The following FERRY3 variants were observed in gnomAD, a reference collection of about 807,000 sequenced individuals.
FERRY3 encodes the protein protein C12orf4.
the FERRY3 span, chr12:4,530,182 G>A: frequency 4.2e-6 from 3 of 720,368 alleles, no homozygotes; most frequent in South Asian, 6.2e-5. Context: ...ATATGTGTGT[G>A]TAAATATATG....
chr12:4,519,947 A>G, the FERRY3 span, among the ~76,000 whole-genome samples: 4 of 152,244 alleles, frequency 2.6e-5, no homozygotes, highest in Non-Finnish European at 5.9e-5. This position sits in a 1 kb window ranked among gnomAD's most constrained non-coding sequence, Gnocchi z 4.3. Context: ...CTACAAAATC[A>G]TACTTTTCTG....
At chr12:4,504,189 T>G in the FERRY3 span, among the ~76,000 whole-genome samples, 1 of 152,210 alleles carries the variant, frequency 6.6e-6, no homozygotes, top group Non-Finnish European at 1.5e-5. Flanking sequence ...TTAGGTTAAA[T>G]GTAATGTGTT....
At chr12:4,526,385 ATAAGT>A in the FERRY3 span, among the ~76,000 whole-genome samples, 1 of 152,248 alleles carries the variant, frequency 6.6e-6, no homozygotes, top group African/African-American at 2.4e-5. Flanking sequence ...ATTTTAATAA[ATAAGT>A]TCACTTAAAA....
At chr12:4,513,593 A>T in the FERRY3 span, among the ~76,000 whole-genome samples, 1 of 152,018 alleles carries the variant, frequency 6.6e-6, no homozygotes, top group Non-Finnish European at 1.5e-5. Flanking sequence ...AACGCCACAT[A>T]TCTACAATTA....
At chr12:4,530,093 T>C in the FERRY3 span, 13 of 1,549,014 alleles carry the variant, frequency 8.4e-6, no homozygotes, top group Non-Finnish European at 8.7e-6. Flanking sequence ...TGATCTAGTA[T>C]TTTTATTTAA....
chr12:4,522,303 G>A, the FERRY3 span, among the ~76,000 whole-genome samples: 6 of 152,110 alleles, frequency 3.9e-5, no homozygotes, highest in Admixed American at 3.3e-4. Context: ...AAAATGAAAC[G>A]ACAAGCCACA....
At chr12:4,525,075 C>G in the FERRY3 span, 3 of 686,672 alleles carry the variant, frequency 4.4e-6, no homozygotes, top group Non-Finnish European at 6.9e-6. Context: ...ACCATTGCCC[C>G]CCAAATAATC....
At chr12:4,523,155 A>T in the FERRY3 span, among the ~76,000 whole-genome samples, 3 of 152,250 alleles carry the variant, frequency 2.0e-5, no homozygotes, top group Non-Finnish European at 4.4e-5. Flanking sequence ...TACCACTTTT[A>T]TCAATCACAT....
the FERRY3 span, among the ~76,000 whole-genome samples, chr12:4,514,879 A>G: frequency 6.6e-6 from 1 of 152,132 alleles, no homozygotes; most frequent in Non-Finnish European, 1.5e-5. Flanking sequence ...CCTAAAACTT[A>G]AAGTATAATA....
At chr12:4,529,789 A>G in the FERRY3 span, 1 of 1,232,020 alleles carries the variant, frequency 8.1e-7, no homozygotes, top group Non-Finnish European at 1.1e-6. Context: ...TTTTTGTAAA[A>G]AATAAAAACA....
the FERRY3 span, chr12:4,491,281 T>C: frequency 2.0e-6 from 3 of 1,530,524 alleles, no homozygotes; most frequent in Non-Finnish European, 2.7e-6. Flanking sequence ...TAGAACTTTG[T>C]ATAAAAAATA....
chr12:4,529,518 T>C, the FERRY3 span, among the ~76,000 whole-genome samples: 2,116 of 152,246 alleles, frequency 0.014, 55 homozygotes, highest in African/African-American at 0.048. Flanking sequence ...ATGGAAATAA[T>C]AGTAGGGTTA....
the FERRY3 span, chr12:4,505,309 G>A: frequency 5.7e-6 from 9 of 1,586,020 alleles, no homozygotes; most frequent in South Asian, 1.0e-4. Flanking sequence ...TACTTACCAG[G>A]TAAAACATTT....
chr12:4,529,860 T>G, the FERRY3 span: 1 of 1,565,514 alleles, frequency 6.4e-7, no homozygotes, highest in Non-Finnish European at 8.6e-7. Context: ...TGCAAGAAAT[T>G]TGAAATACCT....
the FERRY3 span, among the ~76,000 whole-genome samples, chr12:4,529,183 A>G: frequency 1.3e-5 from 2 of 152,174 alleles, no homozygotes; most frequent in East Asian, 3.8e-4. Flanking sequence ...TAATGCTAGA[A>G]GTTTTTTACA....
chr12:4,490,998 T>C, the FERRY3 span, among the ~76,000 whole-genome samples: 8 of 152,170 alleles, frequency 5.3e-5, no homozygotes, highest in African/African-American at 1.9e-4. Flanking sequence ...TGGAGACTTA[T>C]TTTGTGACTA....
At chr12:4,490,596 T>G in the FERRY3 span, 7 of 1,608,646 alleles carry the variant, frequency 4.4e-6, no homozygotes, top group Admixed American at 1.0e-4. Context: ...AAACCTAAAA[T>G]AGAAAAACAG....
chr12:4,509,538 C>T, the FERRY3 span, among the ~76,000 whole-genome samples: 17 of 149,158 alleles, frequency 1.1e-4, no homozygotes, highest in Admixed American at 5.9e-4. Flanking sequence ...TCCCAGCACG[C>T]GGCTGGAGAT....
chr12:4,493,379 T>A, the FERRY3 span, among the ~76,000 whole-genome samples: 1 of 152,198 alleles, frequency 6.6e-6, no homozygotes, highest in Non-Finnish European at 1.5e-5. Context: ...AAAACATAGG[T>A]TGAGTGAATT....
Sources: allele counts gnomAD v4.1 joint callset (sites outside exome capture counted in the v4.1 genomes callset), GRCh38; gene constraint gnomAD v4.1.1; non-coding constraint Gnocchi (gnomAD v3.1); transcripts MANE v1.5; gene names NCBI Gene and HGNC (gene_info 2026-07-23, HGNC 2026-07-21).